The following EVI5 variants were observed in gnomAD, a reference collection of about 807,000 sequenced individuals.
EVI5 encodes ecotropic viral integration site 5 protein homolog.
A neutral mutation model predicts 112.0 loss-of-function variants in EVI5; 73 were observed. The observed-to-expected ratio is 0.65, with a 90% CI of 0.54 to 0.79. The LOEUF is 0.79. Among genes scored for constraint, EVI5 ranks in the 30% least tolerant of loss-of-function variants. The pLI is 0.00. For missense variants in EVI5, 900 were observed against 968.8 expected (o/e 0.93, Z 0.94); for synonymous variants, 305 against 319.9 (o/e 0.95, Z 0.50).
chr1:92,783,536 G>A (rs1336550334), intron 1 of EVI5, among the ~76,000 whole-genome samples: 4 of 146,688 alleles, frequency 2.7e-5, no homozygotes, highest in East Asian at 2.0e-4. Flanking sequence ...AAAGAAGGCC[G>A]GGCACGGTGG....
intron 18 of EVI5, among the ~76,000 whole-genome samples, chr1:92,589,377 G>A (rs1218215023): frequency 6.6e-6 from 1 of 152,106 alleles, no homozygotes; most frequent in African/African-American, 2.4e-5. Flanking sequence ...CAAGGAAAGG[G>A]GTGACAGATG....
At position 92,607,627 on chromosome 1, in the gene EVI5, G is replaced by C. The variant is rs201906216; in HGVS notation, c.1928C>G (p.Thr643Ser). The change falls in exon 17 of 20, where the codon ACT becomes AGT. Residue 643 changes from threonine (T) to serine (S), a missense_variant. Thr to Ser is a moderately conservative substitution (Grantham distance 58). Coordinates refer to ENST00000684568, the MANE Select transcript of EVI5 (RefSeq NM_001350197.2). ...TTTACGCTTTGCTTCACTTAATTGAGTAAGGAGTCCTTTGTTCTGTGCAGA... is the reference window on the plus strand; with the variant it reads ...TTTACGCTTTGCTTCACTTAATTGACTAAGGAGTCCTTTGTTCTGTGCAGA... Reference protein sequence around the residue: ...YLSAQNKGLLTQLSEAKRKQA... With the variant: ...YLSAQNKGLLSQLSEAKRKQA... The C allele has an allele frequency of 9.8e-5, 157 of 1,604,170 alleles. No individual in the cohort carries two copies. Among genetic ancestry groups the C allele is most frequent in the Non-Finnish European group, 1.3e-4 (148 of 1,176,790 alleles).
chr1:92,620,972 G>A (rs1654431219), intron 16 of EVI5, among the ~76,000 whole-genome samples: 1 of 151,956 alleles, frequency 6.6e-6, no homozygotes, highest in South Asian at 2.1e-4. Flanking sequence ...TGTTGTAAGA[G>A]CCTTAGATTA....
intron 14 of EVI5, among the ~76,000 whole-genome samples, chr1:92,633,490 G>A (rs34268424): frequency 6.6e-6 from 1 of 152,086 alleles, no homozygotes; most frequent in Non-Finnish European, 1.5e-5. Flanking sequence ...GACTAGGATT[G>A]CAACCCCTGC....
intron 11 of EVI5, among the ~76,000 whole-genome samples, chr1:92,665,644 C>T (rs1173438014): frequency 6.6e-6 from 1 of 152,112 alleles, no homozygotes; most frequent in African/African-American, 2.4e-5. Flanking sequence ...GGACTCCCAA[C>T]TAAATTATAA....
chr1:92,561,554 ACTATCTATCTAT>A (rs780599148), intron 19 of EVI5, among the ~76,000 whole-genome samples: 14 of 127,574 alleles, frequency 1.1e-4, no homozygotes, highest in Admixed American at 4.8e-4. Context: ...GATGAGACTG[ACTATCTATCTAT>A]CTATCTATCT....
chr1:92,737,079 G>A (rs1439178554), intron 1 of EVI5, among the ~76,000 whole-genome samples: 1 of 152,108 alleles, frequency 6.6e-6, no homozygotes, highest in South Asian at 2.1e-4. Flanking sequence ...TAGATGATCA[G>A]GGAAATCCTG....
chr1:92,710,640 G>A (rs1672702056), intron 2 of EVI5, among the ~76,000 whole-genome samples: 1 of 151,494 alleles, frequency 6.6e-6, no homozygotes, highest in East Asian at 1.9e-4. Context: ...ATCAACAAGG[G>A]AACACACAAT....
chr1:92,549,659 A>C (rs1666441466), intron 19 of EVI5, among the ~76,000 whole-genome samples: 1 of 152,180 alleles, frequency 6.6e-6, no homozygotes, highest in Non-Finnish European at 1.5e-5. Context: ...CAAGAAAAAA[A>C]CAAACAACCC....
chr1:92,748,766 G>T (rs1235629301), intron 1 of EVI5, among the ~76,000 whole-genome samples: 1 of 151,964 alleles, frequency 6.6e-6, no homozygotes, highest in African/African-American at 2.4e-5. Flanking sequence ...AGTACACTAA[G>T]AAAATATAAA....
rs1433258727 is a variant in EVI5, at chr1:92,764,641, C to T, written c.-82+20195G>A. On this transcript the variant is annotated intron_variant, in intron 1 of 19. Transcript: ENST00000684568. The stretch of plus-strand genomic sequence containing the variant: ...ATTAGGATTTATTTGGCATTTGAAA[C>T]CTTTTGAACTATACAAGTGCAACTT... Among the ~76,000 whole-genome samples, 8 of 152,180 alleles carry T rather than the reference C, an allele frequency of 5.3e-5. No homozygotes were observed. In the South Asian group the frequency reaches 1.4e-3, roughly 28 times the overall value.
chr1:92,546,956 A>G (rs1204084467), intron 19 of EVI5, among the ~76,000 whole-genome samples: 2 of 152,180 alleles, frequency 1.3e-5, no homozygotes, highest in Non-Finnish European at 2.9e-5. Context: ...GAAAGTTAAC[A>G]AGGATATCCA....
chr1:92,648,507 C>T (rs1219012520), intron 13 of EVI5, among the ~76,000 whole-genome samples: 1 of 151,974 alleles, frequency 6.6e-6, no homozygotes, highest in African/African-American at 2.4e-5. Flanking sequence ...AAAGTAAAAC[C>T]CCTTACCTAT....
intron 18 of EVI5, among the ~76,000 whole-genome samples, chr1:92,567,913 T>G (rs936990952): frequency 6.6e-6 from 1 of 152,164 alleles, no homozygotes. Context: ...TTTTGAAAAT[T>G]TGGTTAGAAA....
chr1:92,671,208 T>C (rs1238622802), intron 10 of EVI5, among the ~76,000 whole-genome samples: 2 of 152,114 alleles, frequency 1.3e-5, no homozygotes, highest in African/African-American at 4.8e-5. Context: ...TAGGATAAAT[T>C]ATAATCATGC....
At chr1:92,653,408 C>CT (rs1171387604) in intron 13 of EVI5, among the ~76,000 whole-genome samples, 2 of 152,246 alleles carry the variant, frequency 1.3e-5, no homozygotes, top group Admixed American at 6.5e-5. Flanking sequence ...CCTGTGGACT[C>CT]TGAGTGACTG....
intron 11 of EVI5, among the ~76,000 whole-genome samples, chr1:92,663,930 T>C (rs992329271): frequency 9.9e-5 from 15 of 152,202 alleles, no homozygotes; most frequent in African/African-American, 3.6e-4. Context: ...AAATTTTTTG[T>C]AGAGATACAG....
At chr1:92,584,060 A>G (rs1460784985) in intron 18 of EVI5, among the ~76,000 whole-genome samples, 3 of 152,170 alleles carry the variant, frequency 2.0e-5, no homozygotes, top group African/African-American at 7.2e-5. Flanking sequence ...TCATGACACA[A>G]TGCAAGTTGC....
chr1:92,703,667 C>A (rs1276816223), intron 3 of EVI5, 48 bp from the exon 4 acceptor site: 2 of 1,185,496 alleles, frequency 1.7e-6, no homozygotes, highest in Non-Finnish European at 2.4e-6. Context: ...AGTGTCCTAT[C>A]TTGCAAGCCA....
Sources: gnomAD v4.1 joint callset for allele counts (sites outside exome capture counted in the v4.1 genomes callset) on GRCh38, gnomAD v4.1.1 for gene constraint, MANE v1.5 for transcripts, NCBI Gene and HGNC (gene_info 2026-07-23, HGNC 2026-07-21) for gene names.